Variants in SP140 observed in about 807,000 individuals in gnomAD.
SP140 encodes nuclear body protein SP140.
SP140 carries 81 observed loss-of-function variants against 125.0 expected under a neutral mutation model. The observed-to-expected ratio is 0.65, with a 90% CI of 0.54 to 0.78. The LOEUF (loss-of-function observed/expected upper bound fraction) is 0.78, where lower values mean the gene tolerates loss of function less well. Ranked by LOEUF, SP140 falls within the 30% of genes least tolerant of loss-of-function variation. SP140 has a pLI of 0.00. For synonymous variants in SP140, 312 were observed against 354.0 expected, an observed-to-expected ratio of 0.88 and a Z score of 1.33; for missense variants, 858 against 1,037.0, an observed-to-expected ratio of 0.83 and a Z score of 2.37.
In SP140 at chr2:230,309,910, G is replaced by C; in HGVS notation, c.2059-14G>C. ...TGCGGTTCCCAGTGACGTGGACACT[G>C]TTTTATCTTCTAGATGAGAAACCTG... On this transcript the variant is annotated splice_polypyrimidine_tract_variant and intron_variant, in intron 22 of 26. Coordinates refer to ENST00000392045, the MANE Select transcript of SP140 (RefSeq NM_007237.5). 6.2e-7 allele frequency: 1 copy of C among 1,613,104 alleles called. No individual in the cohort carries two copies. Among genetic ancestry groups the C allele is most frequent in the East Asian group, 2.2e-5 (1 of 44,882 alleles).
At chr2:230,194,235 G>A in the SP140 span, among the ~76,000 whole-genome samples, 386 of 152,194 alleles carry the variant, frequency 2.5e-3, 1 homozygote, top group African/African-American at 8.6e-3. Context: ...TCCCATAAAG[G>A]TACAGAATCC....
chr2:230,272,213 G>A (rs1472743959), intron 15 of SP140, among the ~76,000 whole-genome samples: 8 of 152,146 alleles, frequency 5.3e-5, no homozygotes, highest in South Asian at 4.2e-4. Flanking sequence ...TAGAAAATAC[G>A]ATTTTAGAAT....
intron 23 of SP140, 25 bp downstream of exon 23, chr2:230,310,064 T>C (rs773081762): frequency 6.2e-7 from 1 of 1,609,914 alleles, no homozygotes; most frequent in African/African-American, 1.3e-5. Context: ...GGCGTCTCTC[T>C]TTTTGTCCTT....
rs185355773 is a variant in SP140, at chr2:230,245,325, G to A, written c.664+245G>A. 2.8e-3 allele frequency among the ~76,000 whole-genome samples: 424 copies of A among 152,234 alleles called. 1 individual carries two copies. Among genetic ancestry groups the A allele is most frequent in the African/African-American group, 9.4e-3 (391 of 41,528 alleles). ...ATTACTCTGATTGGAGGCACCAAAT[G>A]GTGTTGCCTAAGTGGGCCCAATTTT... is the stretch of plus-strand genomic sequence containing the variant. On this transcript the variant is annotated intron_variant, in intron 6 of 26. Transcript: ENST00000392045.
chr2:230,221,902 G>A (rs931632027), upstream of SP140: 12 of 637,762 alleles, frequency 1.9e-5, no homozygotes, highest in East Asian at 5.5e-5. Context: ...AGACAGCTGC[G>A]AATGAGGATG....
chr2:230,305,676 G>A (rs2058692535), intron 22 of SP140, among the ~76,000 whole-genome samples: 2 of 152,230 alleles, frequency 1.3e-5, no homozygotes. Context: ...TGGGGGTCGG[G>A]CCCGAACGCG....
upstream of SP140, among the ~76,000 whole-genome samples, chr2:230,199,251 T>G (rs1160862378): frequency 7.9e-6 from 1 of 127,262 alleles, no homozygotes; most frequent in African/African-American, 2.9e-5. Flanking sequence ...CTCTGTCACC[T>G]AGGCTAGAGT....
chr2:230,220,916 G>A (rs2045759458), upstream of SP140, among the ~76,000 whole-genome samples: 1 of 152,098 alleles, frequency 6.6e-6, no homozygotes, highest in African/African-American at 2.4e-5. Context: ...GGAGGCTGAG[G>A]CTGGAGACTT....
At chr2:230,271,039 C>G (rs1279559824) in intron 15 of SP140, among the ~76,000 whole-genome samples, 5 of 152,150 alleles carry the variant, frequency 3.3e-5, no homozygotes, top group Non-Finnish European at 7.4e-5. Context: ...TATGGGTGAC[C>G]TCTAGGAGCT....
At chr2:230,268,379 C>T (rs1345616125) in intron 12 of SP140, among the ~76,000 whole-genome samples, 1 of 151,926 alleles carries the variant, frequency 6.6e-6, no homozygotes, top group African/African-American at 2.4e-5. Flanking sequence ...CAAAAATTAG[C>T]CAGGCGTGGT....
chr2:230,190,303 A>G, the SP140 span, among the ~76,000 whole-genome samples: 2 of 151,982 alleles, frequency 1.3e-5, no homozygotes, highest in East Asian at 3.9e-4. Flanking sequence ...TCTGATGATC[A>G]GTGATGTTGA....
At chr2:230,201,689 C>A (rs1279005786), upstream of SP140, among the ~76,000 whole-genome samples, 1 of 152,212 alleles carries the variant, frequency 6.6e-6, no homozygotes. Flanking sequence ...GATTGAGATA[C>A]AAGCTCACTG....
chr2:230,286,263 T>C (rs59705038), intron 17 of SP140, among the ~76,000 whole-genome samples: 2,568 of 152,328 alleles, frequency 0.017, 97 homozygotes, highest in African/African-American at 0.059. Flanking sequence ...ATTTCAGTAG[T>C]TGGGACCTTT....
At chr2:230,187,651 C>T in the SP140 span, among the ~76,000 whole-genome samples, 1 of 152,016 alleles carries the variant, frequency 6.6e-6, no homozygotes, top group Non-Finnish European at 1.5e-5. Context: ...TTTGATCCAT[C>T]TTGAGTTAAT....
intron 1 of SP140, among the ~76,000 whole-genome samples, chr2:230,233,609 C>G (rs2047566455): frequency 6.6e-6 from 1 of 152,014 alleles, no homozygotes. Flanking sequence ...GAAATTAAAA[C>G]TTTGAACACT....
intron 12 of SP140, among the ~76,000 whole-genome samples, chr2:230,260,017 C>T (rs1360438419): frequency 1.3e-5 from 2 of 152,072 alleles, no homozygotes; most frequent in African/African-American, 4.8e-5. Flanking sequence ...GGAATCTCTA[C>T]ACTGTTTTCC....
rs185469147 is a variant in SP140 at position 230,299,520 on chromosome 2, C to T, written c.2058+2058C>T. Among the ~76,000 whole-genome samples, 158 of 152,330 alleles carry T rather than the reference C, an allele frequency of 1.0e-3. 2 individuals are homozygous for T. Among genetic ancestry groups the T allele is most frequent in the African/African-American group, 3.6e-3 (148 of 41,576 alleles). ...TGGGGAGGGCAGCCAGTACAATTTGCAGAGAGCCATGGGGAGAAGGAGGCT... is the reference window on the plus strand; with the variant it reads ...TGGGGAGGGCAGCCAGTACAATTTGTAGAGAGCCATGGGGAGAAGGAGGCT... On this transcript the variant is annotated intron_variant, in intron 22 of 26. Coordinates refer to ENST00000392045, the MANE Select transcript of SP140 (RefSeq NM_007237.5).
At chr2:230,214,089 G>A (rs902632581) in intron 3 of SP140, 5 of 152,230 alleles carry the variant, frequency 3.3e-5, no homozygotes, top group Admixed American at 2.6e-4. Context: ...GTGAACATGT[G>A]ATTTGGCCAC....
intron 8 of SP140, among the ~76,000 whole-genome samples, chr2:230,248,490 G>A (rs2049842244): frequency 6.6e-6 from 1 of 152,036 alleles, no homozygotes; most frequent in Non-Finnish European, 1.5e-5. Context: ...CTAATGGGAG[G>A]GAAGGGAAAT....
Sources: gnomAD v4.1 joint callset for allele counts (sites outside exome capture counted in the v4.1 genomes callset) on GRCh38, gnomAD v4.1.1 for gene constraint, MANE v1.5 for transcripts, NCBI Gene and HGNC (gene_info 2026-07-23, HGNC 2026-07-21) for gene names.